SHROOM2: variants seen among roughly 807,000 people sequenced by gnomAD.
SHROOM2 encodes shroom family member 2, also known as protein Shroom2.
A neutral mutation model predicts 75.9 loss-of-function variants in SHROOM2; 33 were observed. The observed-to-expected ratio is 0.43, with a 90% CI of 0.33 to 0.58. SHROOM2 has a LOEUF of 0.58. Among genes scored for constraint, SHROOM2 ranks in the 20% least tolerant of loss-of-function variants. SHROOM2 has a pLI of 0.04. For missense variants in SHROOM2, 1,434 were observed against 1,461.2 expected, an observed-to-expected ratio of 0.98 and a Z score of 0.30; for synonymous variants, 655 against 663.6, an observed-to-expected ratio of 0.99 and a Z score of 0.20.
At chrX:9,919,844 A>G (rs961454523) in intron 5 of SHROOM2, among the ~76,000 whole-genome samples, 1 of 111,303 alleles carries the variant, frequency 9.0e-6, no homozygotes, top group Non-Finnish European at 1.9e-5. Flanking sequence ...TGACATCTCA[A>G]ATCACTACAG....
At chrX:9,838,450 T>G (rs16985726) in intron 1 of SHROOM2, among the ~76,000 whole-genome samples, 2,005 of 111,129 alleles carry the variant, frequency 0.018, 44 homozygotes, top group African/African-American at 0.062. Flanking sequence ...AAATGCCTGC[T>G]TGTGGGACTT....
chrX:9,880,888 C>T (rs1011042655), intron 2 of SHROOM2, among the ~76,000 whole-genome samples: 2 of 111,842 alleles, frequency 1.8e-5, no homozygotes, highest in African/African-American at 6.5e-5. Flanking sequence ...TCTTGGCTAT[C>T]TGAAGGTACT....
intron 1 of SHROOM2, among the ~76,000 whole-genome samples, chrX:9,804,610 AAG>A (rs2083741824): frequency 1.8e-5 from 2 of 111,411 alleles, no homozygotes; most frequent in African/African-American, 6.5e-5. Context: ...CACTGCAAGG[AAG>A]AGTCTCTGCT....
chrX:9,792,126 G>GA (rs1555919778), intron 1 of SHROOM2, among the ~76,000 whole-genome samples: 1 of 22,595 alleles, frequency 4.4e-5, no homozygotes, highest in African/African-American at 1.1e-4. Flanking sequence ...GAATAGAATA[G>GA]AATAGAATAG....
At chrX:9,808,793 C>T (rs2083773465) in intron 1 of SHROOM2, among the ~76,000 whole-genome samples, 1 of 110,170 alleles carries the variant, frequency 9.1e-6, no homozygotes, top group South Asian at 3.9e-4. Context: ...ACCTGGGAAG[C>T]GGAGGTTGCA....
intron 1 of SHROOM2, among the ~76,000 whole-genome samples, chrX:9,852,590 C>T (rs1005740135): frequency 2.7e-5 from 3 of 112,765 alleles, no homozygotes; most frequent in South Asian, 3.6e-4. Context: ...ACCGTCAAGA[C>T]GCAAGACATT....
rs3815017 is a variant in SHROOM2, at chrX:9,944,629, C to T, written c.4312-12C>T. ...GTGTCTCCGTGTTCCCTTGCCATCC[C>T]GTGCCCAACAGCAGGAGCTCATCGA... On this transcript the variant is annotated splice_polypyrimidine_tract_variant and intron_variant, in intron 8 of 9. Coordinates refer to ENST00000380913, the MANE Select transcript of SHROOM2 (RefSeq NM_001649.4). 1.1e-3 allele frequency: 1,282 copies of T among 1,196,657 alleles called. 17 individuals carry two copies. In the East Asian group the frequency reaches 0.03, roughly 28 times the overall value.
In SHROOM2 at chrX:9,937,387, C is replaced by A; in HGVS notation, c.3841C>A (p.Pro1281Thr). 8.3e-7 allele frequency: 1 copy of A among 1,206,301 alleles called. No individual in the cohort carries two copies. The highest frequency in any genetic ancestry group is 1.1e-6 in the Non-Finnish European group (1 of 893,073). ...EAPHRAQPAE[P>T]QPLGTQVPPE... Reference sequence around the variant, plus strand: ...CCCACATAGGGCCCAGCCGGCTGAGCCCCAGCCCCTGGGCACCCAGGTGCC... The same window carrying A: ...CCCACATAGGGCCCAGCCGGCTGAGACCCAGCCCCTGGGCACCCAGGTGCC... Residue 1281 changes from proline to threonine, a missense_variant, in exon 7 of 10, where the codon CCC (proline) becomes ACC (threonine). By Grantham distance (38) the Pro-to-Thr change is conservative. This residue lies in a region of SHROOM2 where 1,340 missense variants were observed against 1,338.3 expected (regional missense o/e 1.00). Transcript: ENST00000380913.
intron 1 of SHROOM2, among the ~76,000 whole-genome samples, chrX:9,828,899 A>G (rs779731009): frequency 4.4e-5 from 5 of 112,918 alleles, no homozygotes; most frequent in African/African-American, 1.6e-4. Flanking sequence ...CCATAGCGCT[A>G]TCTTTGAGTT....
chrX:9,927,399 G>GA (rs2084606452), intron 5 of SHROOM2, among the ~76,000 whole-genome samples: 1 of 102,987 alleles, frequency 9.7e-6, no homozygotes, highest in Non-Finnish European at 2.0e-5. Flanking sequence ...AGTAGGTGAG[G>GA]AGGACCCTGT....
chrX:9,911,637 T>C (rs2084427029), intron 5 of SHROOM2, among the ~76,000 whole-genome samples: 1 of 110,826 alleles, frequency 9.0e-6, no homozygotes, highest in Non-Finnish European at 1.9e-5. Context: ...TCAGGGACTT[T>C]AAATAGAGAT....
At chrX:9,794,670 A>G (rs2083685210) in intron 1 of SHROOM2, among the ~76,000 whole-genome samples, 2 of 112,074 alleles carry the variant, frequency 1.8e-5, no homozygotes, top group South Asian at 3.7e-4. Flanking sequence ...GCGCCCAGCC[A>G]TAAACTAGTT....
At chrX:9,904,691 G>A (rs763584681) in intron 5 of SHROOM2, among the ~76,000 whole-genome samples, 8 of 112,200 alleles carry the variant, frequency 7.1e-5, no homozygotes, top group Non-Finnish European at 1.1e-4. Context: ...CGCATGTTAC[G>A]GGATCCTTTG....
At chrX:9,863,121 G>A (rs776648119) in intron 1 of SHROOM2, among the ~76,000 whole-genome samples, 3 of 110,923 alleles carry the variant, frequency 2.7e-5, no homozygotes, top group Non-Finnish European at 3.8e-5. Context: ...TTCCGGTCCC[G>A]TCCAGTTGGC....
chrX:9,906,940 A>T (rs1185769606), intron 5 of SHROOM2, among the ~76,000 whole-genome samples: 1 of 112,041 alleles, frequency 8.9e-6, no homozygotes, highest in African/African-American at 3.2e-5. Context: ...CTCTGCCGTG[A>T]TAGCGCAAAA....
chrX:9,816,131 T>C (rs747011347), intron 1 of SHROOM2, among the ~76,000 whole-genome samples: 60 of 112,695 alleles, frequency 5.3e-4, no homozygotes, highest in African/African-American at 1.9e-3. Context: ...CCTTTTCATG[T>C]CTGAATGCTA....
At chrX:9,939,095 G>T in intron 7 of SHROOM2, 100 bp from the exon 8 acceptor site, 2 of 701,695 alleles carry the variant, frequency 2.9e-6, no homozygotes, top group East Asian at 3.7e-5. Context: ...GTGTCCTTTC[G>T]TGAGCACCAG....
chrX:9,857,456 G>A (rs1465938698), intron 1 of SHROOM2, among the ~76,000 whole-genome samples: 3 of 108,800 alleles, frequency 2.8e-5, no homozygotes, highest in African/African-American at 6.7e-5. Flanking sequence ...GTGCAGTCAC[G>A]GCTCACTACA....
intron 1 of SHROOM2, among the ~76,000 whole-genome samples, chrX:9,844,847 A>T (rs955518618): frequency 1.1e-4 from 12 of 111,554 alleles, no homozygotes; most frequent in Non-Finnish European, 1.5e-4. Context: ...TAATTAATTT[A>T]AAAAATGGTA....
Sources: allele counts gnomAD v4.1 joint callset (sites outside exome capture counted in the v4.1 genomes callset), GRCh38; gene constraint gnomAD v4.1.1; regional missense constraint gnomAD v4.1.1; transcripts MANE v1.5; gene names NCBI Gene and HGNC (gene_info 2026-07-23, HGNC 2026-07-21).